MPZL1: variants seen among roughly 807,000 people sequenced by gnomAD.
The protein encoded by MPZL1 is myelin protein zero-like protein 1.
Under a neutral mutation model 29.3 loss-of-function variants are expected in MPZL1, and 16 were observed. The ratio of observed to expected loss-of-function variants is 0.55; its 90% CI spans 0.37 to 0.83. The LOEUF (loss-of-function observed/expected upper bound fraction) is 0.83. Among genes scored for constraint, MPZL1 ranks in the 40% least tolerant of loss-of-function variants. The pLI, the probability that MPZL1 is intolerant of heterozygous loss-of-function variation, is 0.00. For missense variants in MPZL1, 279 were observed against 332.9 expected (o/e 0.84, Z 1.26); for synonymous variants, 143 against 132.0 (o/e 1.08, Z -0.57).
At chr1:167,743,425 C>T (rs1376415733) in intron 1 of MPZL1, among the ~76,000 whole-genome samples, 1 of 151,936 alleles carries the variant, frequency 6.6e-6, no homozygotes, top group Non-Finnish European at 1.5e-5. Context: ...CCAGGCTGGT[C>T]TCGATCTCTT....
rs2101803119 is a variant in MPZL1, at chr1:167,788,152, A to G, written c.*231A>G. ...ATGAAAAGATGGTATGATTCTACAT[A>G]TGTACCCATTGTCTTGCTGTTTTTG... On this transcript the variant is annotated 3_prime_UTR_variant, in exon 6 of 6. Transcript: ENST00000359523. 1 of 436,248 alleles carries G rather than the reference A, an allele frequency of 2.3e-6. No individual in the cohort carries two copies. The highest frequency in any genetic ancestry group is 4.2e-6 in the Non-Finnish European group (1 of 239,828). The allele number at this position is 436,248 out of a possible 1,614,324, so 27.0% of individuals were successfully genotyped here.
chr1:167,768,324 A>G (rs761874755), intron 2 of MPZL1, among the ~76,000 whole-genome samples: 1 of 151,390 alleles, frequency 6.6e-6, no homozygotes, highest in Non-Finnish European at 1.5e-5. Flanking sequence ...TTGTTTTCCT[A>G]CTTCTGAACA....
intron 3 of MPZL1, 54 bp from the exon 4 acceptor site, chr1:167,773,182 A>G (rs1479989308): frequency 4.5e-6 from 7 of 1,538,708 alleles, no homozygotes; most frequent in Middle Eastern, 3.6e-4. Context: ...ATAAAATTCC[A>G]TGTTTTCTCT....
At chr1:167,761,108 A>G (rs61808925) in intron 1 of MPZL1, among the ~76,000 whole-genome samples, 7,400 of 152,274 alleles carry the variant, frequency 0.049, 214 homozygotes, top group South Asian at 0.092. Flanking sequence ...AGTAACGGAG[A>G]TGAAAGCCTA....
At position 167,722,097 on chromosome 1, in the gene MPZL1, G is replaced by T; in HGVS notation, c.-55G>T. On this transcript the variant is annotated 5_prime_UTR_variant, in exon 1 of 6. Coordinates refer to ENST00000359523, the MANE Select transcript of MPZL1 (RefSeq NM_003953.6). ...TTCCCCAAGCCGAGCCAACCTCAGC[G>T]GGGACCCGGGCTCAGGGACGCGGCG... 1 of 1,232,500 alleles carries T rather than the reference G, an allele frequency of 8.1e-7. No homozygotes were observed. The highest frequency in any genetic ancestry group is 1.0e-6 in the Non-Finnish European group (1 of 987,980). The allele number at this position is 1,232,500 out of a possible 1,614,324, so 76.3% of individuals were successfully genotyped here.
intron 4 of MPZL1, among the ~76,000 whole-genome samples, chr1:167,774,104 A>C (rs1661311306): frequency 6.6e-6 from 1 of 152,240 alleles, no homozygotes; most frequent in South Asian, 2.1e-4. Flanking sequence ...AAAATATATC[A>C]GCAATAAAGA....
intron 1 of MPZL1, among the ~76,000 whole-genome samples, chr1:167,731,302 G>A (rs1398724254): frequency 1.6e-5 from 2 of 122,052 alleles, no homozygotes; most frequent in African/African-American, 3.2e-5. Flanking sequence ...TGGATATGGT[G>A]GCACACACCT....
At chr1:167,742,840 T>C (rs1660561510) in intron 1 of MPZL1, among the ~76,000 whole-genome samples, 1 of 152,120 alleles carries the variant, frequency 6.6e-6, no homozygotes, top group African/African-American at 2.4e-5. Flanking sequence ...CCAGTTTCAT[T>C]CTCCTACATG....
rs2101779807 is a variant in MPZL1, at chr1:167,763,045, A to G, written c.92-2538A>G. Among the ~76,000 whole-genome samples, 3 of 152,340 alleles carry G rather than the reference A, an allele frequency of 2.0e-5. No individual in the cohort carries two copies. The Middle Eastern group carries it at 0.01, about 518-fold the overall frequency. On this transcript the variant is annotated intron_variant, in intron 1 of 5. Transcript: ENST00000359523. ...CCTGTTTATTACCTAACTTTGGTAT[A>G]ATGAAATCTGTGTCTTAAATAGATG... is the stretch of plus-strand genomic sequence containing the variant.
intron 1 of MPZL1, among the ~76,000 whole-genome samples, chr1:167,755,019 T>A (rs1490797052): frequency 6.6e-6 from 1 of 152,092 alleles, no homozygotes; most frequent in Non-Finnish European, 1.5e-5. Flanking sequence ...CAGTAACACA[T>A]CATTATCACC....
intron 1 of MPZL1, among the ~76,000 whole-genome samples, chr1:167,727,268 A>G (rs1018691657): frequency 6.6e-6 from 1 of 152,190 alleles, no homozygotes; most frequent in Admixed American, 6.5e-5. Flanking sequence ...TTGCATCCAC[A>G]CTGGAGCTAA....
At chr1:167,724,987 T>G (rs1660111892) in intron 1 of MPZL1, among the ~76,000 whole-genome samples, 1 of 152,146 alleles carries the variant, frequency 6.6e-6, no homozygotes, top group South Asian at 2.1e-4. Context: ...TGAAGAGAGA[T>G]AAAATGTGAT....
intron 1 of MPZL1, among the ~76,000 whole-genome samples, chr1:167,749,223 C>G (rs1480938078): frequency 6.6e-6 from 1 of 152,104 alleles, no homozygotes; most frequent in Non-Finnish European, 1.5e-5. Flanking sequence ...TGGAAAAATA[C>G]TTTTGGAGGG....
chr1:167,776,269 G>A, intron 5 of MPZL1, 103 bp downstream of exon 5: 5 of 711,202 alleles, frequency 7.0e-6, no homozygotes, highest in Non-Finnish European at 1.1e-5. Flanking sequence ...GAGAGACAGA[G>A]ACAGAGACAG....
At chr1:167,722,317 C>A in intron 1 of MPZL1, 75 bp downstream of exon 1, 2 of 1,229,794 alleles carry the variant, frequency 1.6e-6, no homozygotes, top group South Asian at 8.3e-5. Context: ...TCGCGGCGGT[C>A]GCAGGCCAGG....
chr1:167,728,460 G>A (rs941750842), intron 1 of MPZL1, among the ~76,000 whole-genome samples: 2 of 143,898 alleles, frequency 1.4e-5, no homozygotes, highest in African/African-American at 5.2e-5. Context: ...CACCCGCCTC[G>A]GCCTCCCAAA....
chr1:167,762,708 AT>A (rs1173680132), intron 1 of MPZL1, among the ~76,000 whole-genome samples: 4 of 152,220 alleles, frequency 2.6e-5, no homozygotes, highest in African/African-American at 9.7e-5. Context: ...GCTAAACTTG[AT>A]TGAACAGGTA....
At chr1:167,787,710 T>C (rs1364764565) in intron 5 of MPZL1, 110 bp from the exon 6 acceptor site, 4 of 725,718 alleles carry the variant, frequency 5.5e-6, no homozygotes, top group Non-Finnish European at 7.1e-6. Flanking sequence ...AAGAGGGAAG[T>C]CTTTGCTTTG....
intron 5 of MPZL1, among the ~76,000 whole-genome samples, chr1:167,779,924 T>C (rs1661456774): frequency 6.6e-6 from 1 of 152,072 alleles, no homozygotes; most frequent in South Asian, 2.1e-4. Context: ...GGTAATAATA[T>C]CAACGTTGGC....
Sources: gnomAD v4.1 joint callset for allele counts (sites outside exome capture counted in the v4.1 genomes callset) on GRCh38, gnomAD v4.1.1 for gene constraint, MANE v1.5 for transcripts, NCBI Gene and HGNC (gene_info 2026-07-23, HGNC 2026-07-21) for gene names.